Variants in CNTN4 observed in about 807,000 individuals in gnomAD.
CNTN4 encodes the protein contactin-4.
Under a neutral mutation model 122.5 loss-of-function variants are expected in CNTN4, and 77 were observed. That is an observed-to-expected ratio of 0.63 (90% CI 0.52 to 0.76). The LOEUF (loss-of-function observed/expected upper bound fraction) is 0.76. Ranked by LOEUF, CNTN4 falls within the 30% of genes least tolerant of loss-of-function variation. The pLI is 0.00. For missense variants in CNTN4, 1,256 were observed against 1,259.1 expected (o/e 1.00, Z 0.04); for synonymous variants, 512 against 447.0 (o/e 1.15, Z -1.83).
At chr3:2,925,876 T>C (rs1049015027) in intron 13 of CNTN4, 97 bp downstream of exon 13, 30 of 1,051,918 alleles carry the variant, frequency 2.9e-5, no homozygotes, top group Non-Finnish European at 4.4e-6. Context: ...GACTATCTGC[T>C]GTTCCTGAAC....
chr3:2,997,615 T>C (rs1304085543), intron 14 of CNTN4, among the ~76,000 whole-genome samples: 1 of 152,202 alleles, frequency 6.6e-6, no homozygotes, highest in East Asian at 1.9e-4. Flanking sequence ...CAAAAGACTT[T>C]AGGCCTTTAG....
rs183375497 is a variant in CNTN4 at position 2,469,028 on chromosome 3, G to A, written c.-88-102388G>A. On this transcript the variant is annotated intron_variant, in intron 3 of 24. Transcript: ENST00000418658. ...AATTGGCCTAGTCCAGTCAAAATCC[G>A]TCACTGTGGTCGAGCTCATTGCTAC... Among the ~76,000 whole-genome samples, 15 of 152,234 alleles carry A rather than the reference G, an allele frequency of 9.9e-5. 1 individual carries two copies. Among genetic ancestry groups the A allele is most frequent in the Admixed American group, 6.5e-4 (10 of 15,286 alleles).
At chr3:2,942,246 A>C (rs2094623297) in intron 13 of CNTN4, among the ~76,000 whole-genome samples, 1 of 152,210 alleles carries the variant, frequency 6.6e-6, no homozygotes, top group Non-Finnish European at 1.5e-5. Flanking sequence ...AGTAAAGATA[A>C]AAGTAAGTAA....
chr3:2,515,534 C>A (rs527417258), intron 3 of CNTN4, among the ~76,000 whole-genome samples: 2 of 151,754 alleles, frequency 1.3e-5, no homozygotes, highest in Non-Finnish European at 2.9e-5. Flanking sequence ...CAAATAGATA[C>A]CCGTCCACAT....
chr3:2,497,418 A>T (rs1376277784), intron 3 of CNTN4, among the ~76,000 whole-genome samples: 1 of 152,140 alleles, frequency 6.6e-6, no homozygotes, highest in Admixed American at 6.5e-5. Flanking sequence ...TTTTTGGAAA[A>T]TCCAGAATGT....
At chr3:2,311,837 C>T (rs1458932190) in intron 2 of CNTN4, among the ~76,000 whole-genome samples, 2 of 152,092 alleles carry the variant, frequency 1.3e-5, no homozygotes, top group Non-Finnish European at 2.9e-5. Context: ...CAAGCAATTA[C>T]GTTTCCTTCT....
At chr3:2,763,491 A>G (rs1192948510) in intron 6 of CNTN4, among the ~76,000 whole-genome samples, 1 of 152,086 alleles carries the variant, frequency 6.6e-6, no homozygotes, top group African/African-American at 2.4e-5. Context: ...GTTTAATTAA[A>G]TCCCATTTGT....
Position 3,026,169 on chromosome 3 carries a change from G to C in CNTN4, c.1554G>C (p.Pro518=), listed in dbSNP as rs7639977. 1 of 1,612,882 alleles carries C rather than the reference G, an allele frequency of 6.2e-7. No individual in the cohort carries two copies. The highest frequency in any genetic ancestry group is 8.5e-7 in the Non-Finnish European group (1 of 1,179,330). ...CTGTTGGAGAGAGTATTGTTTTACC[G>C]TGCCAGGTAACGCATGATCACTCGC... is the stretch of plus-strand genomic sequence containing the variant. The part of the protein sequence containing the change: ...DVTVGESIVL[P]CQVTHDHSLD... The change falls in exon 15 of 25, where the codon CCG becomes CCC. Residue 518 remains proline (P), a synonymous_variant. Coordinates refer to ENST00000418658, the MANE Select transcript of CNTN4 (RefSeq NM_175607.3).
intron 6 of CNTN4, among the ~76,000 whole-genome samples, chr3:2,801,744 G>GC (rs2092352823): frequency 6.6e-6 from 1 of 150,632 alleles, no homozygotes. Flanking sequence ...TGTTGTTTTT[G>GC]CCCTCAAGGA....
intron 17 of CNTN4, among the ~76,000 whole-genome samples, chr3:3,035,251 T>C (rs1421029956): frequency 1.4e-5 from 2 of 139,946 alleles, no homozygotes; most frequent in African/African-American, 2.7e-5. Flanking sequence ...GAGGTTGCAG[T>C]GAGCCAAGAT....
intron 4 of CNTN4, among the ~76,000 whole-genome samples, chr3:2,631,140 T>G (rs1010525479): frequency 1.3e-5 from 2 of 152,206 alleles, no homozygotes; most frequent in Non-Finnish European, 2.9e-5. Flanking sequence ...ATTTCCATAT[T>G]TGTTATTTCT....
At chr3:2,910,966 T>A (rs73007754) in intron 12 of CNTN4, among the ~76,000 whole-genome samples, 1 of 152,066 alleles carries the variant, frequency 6.6e-6, no homozygotes, top group African/African-American at 2.4e-5. Flanking sequence ...GTAGAAAAAT[T>A]TATGGCACTC....
At chr3:2,129,636 T>C (rs1239160764) in intron 2 of CNTN4, among the ~76,000 whole-genome samples, 1 of 151,994 alleles carries the variant, frequency 6.6e-6, no homozygotes, top group East Asian at 2.0e-4. Flanking sequence ...TGCTGGAGAC[T>C]TTGGAGAGAA....
intron 23 of CNTN4, among the ~76,000 whole-genome samples, chr3:3,045,198 T>G (rs1330274120): frequency 3.3e-5 from 5 of 152,144 alleles, no homozygotes. Flanking sequence ...CCTTGCCCTC[T>G]GGGGGCAGGG....
intron 16 of CNTN4, among the ~76,000 whole-genome samples, chr3:3,031,256 T>G (rs764757475): frequency 6.6e-6 from 1 of 152,162 alleles, no homozygotes; most frequent in Non-Finnish European, 1.5e-5. Context: ...TGATATGACC[T>G]TCTAGAACAA....
intron 4 of CNTN4, among the ~76,000 whole-genome samples, chr3:2,722,439 C>G (rs1576571431): frequency 6.6e-6 from 1 of 152,162 alleles, no homozygotes; most frequent in Middle Eastern, 3.4e-3. Flanking sequence ...GATGCTTTTG[C>G]AATAAAGGTA....
chr3:2,319,186 T>C (rs1182706363), intron 2 of CNTN4, among the ~76,000 whole-genome samples: 1 of 152,156 alleles, frequency 6.6e-6, no homozygotes, highest in Non-Finnish European at 1.5e-5. Context: ...ACTAGGCTTT[T>C]AGCATCATCT....
intron 2 of CNTN4, among the ~76,000 whole-genome samples, chr3:2,139,736 G>A (rs894988219): frequency 1.3e-5 from 2 of 152,102 alleles, no homozygotes; most frequent in African/African-American, 4.8e-5. Context: ...AGAACCAAGG[G>A]CCTGGGAAAA....
At chr3:2,236,010 A>G (rs868061228) in intron 2 of CNTN4, among the ~76,000 whole-genome samples, 8 of 152,182 alleles carry the variant, frequency 5.3e-5, no homozygotes, top group African/African-American at 1.2e-4. Flanking sequence ...TCTTAATTCA[A>G]TGGAGAAGGG....
Sources: allele counts gnomAD v4.1 joint callset (sites outside exome capture counted in the v4.1 genomes callset), GRCh38; gene constraint gnomAD v4.1.1; transcripts MANE v1.5; gene names NCBI Gene and HGNC (gene_info 2026-07-23, HGNC 2026-07-21).